The following PAH variants were observed in gnomAD, a reference collection of about 807,000 sequenced individuals.
The protein encoded by PAH is phenylalanine hydroxylase.
A neutral mutation model predicts 62.0 loss-of-function variants in PAH; 64 were observed. The observed-to-expected ratio is 1.03, with a 90% CI of 0.84 to 1.27. PAH has a LOEUF of 1.27. Among genes scored for constraint, PAH ranks in the 50% most tolerant of loss-of-function variants. The pLI is 0.00. For synonymous variants in PAH, 195 were observed against 196.2 expected (o/e 0.99, Z 0.05); for missense variants, 579 against 542.8 (o/e 1.07, Z -0.66).
chr12:102,943,775 G>T (rs1394693433), intron 1 of PAH, among the ~76,000 whole-genome samples: 1 of 152,136 alleles, frequency 6.6e-6, no homozygotes, highest in Non-Finnish European at 1.5e-5. Context: ...GGATAGAGCT[G>T]GAGGCCATTA....
At position 102,942,426 on chromosome 12, in the gene PAH, A is replaced by G. The variant is rs563308394; in HGVS notation, c.-96+8163T>C. ...TGCTGAAAGAAATCAGACACAACAC[A>G]AGCAAATGGAAAAACATTCCATGCT... On this transcript the variant is annotated intron_variant, in intron 1 of 3. Coordinates refer to the PAH transcript ENST00000546844. Among the ~76,000 whole-genome samples the G allele has an allele frequency of 2.3e-4, 35 of 152,286 alleles. 1 individual carries two copies. Among genetic ancestry groups the G allele is most frequent in the Admixed American group, 2.3e-3 (35 of 15,304 alleles).
intron 2 of PAH, among the ~76,000 whole-genome samples, chr12:102,900,687 A>G (rs921009476): frequency 2.8e-4 from 43 of 152,224 alleles, no homozygotes; most frequent in Non-Finnish European, 7.3e-5. Flanking sequence ...ATTTACTAGT[A>G]TGGATCCTTA....
chr12:102,862,693 A>G (rs1236428933), intron 5 of PAH, among the ~76,000 whole-genome samples: 1 of 152,184 alleles, frequency 6.6e-6, no homozygotes. Context: ...CTGCAGGCCT[A>G]TTTCTCTAAC....
At position 102,843,591 on chromosome 12, in the gene PAH, T is replaced by C. The variant is rs1452098029; in HGVS notation, c.1199+55A>G. 2.5e-6 allele frequency: 4 copies of C among 1,600,680 alleles called. No individual in the cohort carries two copies. In the African/African-American group the frequency reaches 4.0e-5, roughly 16 times the overall value. ...TCCTGGCCAACCACCCACAGATGAG[T>C]GGCACCAGTCAGGAGGCCCCCAGAG... On this transcript the variant is annotated intron_variant, in intron 11 of 12. Transcript: ENST00000553106.
chr12:102,876,721 G>A (rs1038580180), intron 4 of PAH, among the ~76,000 whole-genome samples: 1 of 152,126 alleles, frequency 6.6e-6, no homozygotes, highest in East Asian at 1.9e-4. Flanking sequence ...AGCCTGGGCT[G>A]TTCCTCCCCA....
intron 5 of PAH, among the ~76,000 whole-genome samples, chr12:102,856,951 T>A (rs1461585580): frequency 6.6e-6 from 1 of 152,138 alleles, no homozygotes; most frequent in African/African-American, 2.4e-5. Context: ...GGAACACAGC[T>A]CCTCGCCAGC....
chr12:102,872,860 T>A (rs974566977), intron 4 of PAH, among the ~76,000 whole-genome samples: 10 of 152,058 alleles, frequency 6.6e-5, no homozygotes. Flanking sequence ...CCCAGCTATG[T>A]GGGAGGCTGA....
At position 102,852,969 on chromosome 12, in the gene PAH, A is replaced by G. The variant is rs1314840912; in HGVS notation, c.707-19T>C. 2 of 1,613,624 alleles carry G rather than the reference A, an allele frequency of 1.2e-6. No individual in the cohort carries two copies. The highest frequency in any genetic ancestry group is 8.5e-7 in the Non-Finnish European group (1 of 1,179,814). On this transcript the variant is annotated intron_variant, in intron 6 of 12. Transcript: ENST00000553106. ...GTGCAAGCTGGGATGAAAAGAAGAA[A>G]GAAAACTCAAAGCTCATCACCACTG...
In PAH at chr12:102,838,993, G is replaced by T. The variant is rs1874474109; in HGVS notation, c.*182C>A. The stretch of plus-strand genomic sequence containing the variant: ...AAAAGATTTACCATTATGCTCTTGA[G>T]TATGTACTCATATCCTGTCATTTCA... On this transcript the variant is annotated 3_prime_UTR_variant, in exon 13 of 13. Coordinates refer to ENST00000553106, the MANE Select transcript of PAH (RefSeq NM_000277.3). 1.6e-6 allele frequency: 1 copy of T among 634,284 alleles called. No individual in the cohort carries two copies. The highest frequency in any genetic ancestry group is 1.9e-5 in the South Asian group (1 of 53,290). 39.3% of individuals were successfully genotyped at this position (634,284 alleles called of 1,614,324 possible). A position where few individuals can be genotyped will look rare whatever the true frequency, so the allele number is the denominator to read the frequency against.
intron 1 of PAH, chr12:102,946,000 A>G (rs73377926): frequency 0.032 from 4,920 of 152,258 alleles, 270 homozygotes; most frequent in African/African-American, 0.11. Context: ...TGGGTCCTTC[A>G]CTTCAAGGTA....
chr12:102,919,504 T>C (rs1878501162), upstream of PAH, among the ~76,000 whole-genome samples: 1 of 152,218 alleles, frequency 6.6e-6, no homozygotes, highest in African/African-American at 2.4e-5. Flanking sequence ...TTTGACTATA[T>C]TCGCCCTGTT....
At chr12:102,889,569 T>TAGATAGATAGAC (rs1565864427) in intron 3 of PAH, among the ~76,000 whole-genome samples, 64 of 152,266 alleles carry the variant, frequency 4.2e-4, no homozygotes, top group African/African-American at 1.5e-3. Context: ...GATAGATAGA[T>TAGATAGATAGAC]AGACAGGCAG....
rs561593253 is a variant in PAH at position 102,925,702 on chromosome 12, C to G, written c.-95-8477G>C. The stretch of plus-strand genomic sequence containing the variant: ...TCGTTTTAGTCTAACTTTTCCCTCA[C>G]AGACAACCCAGAAATCTAAAGATCA... On this transcript the variant is annotated intron_variant, in intron 1 of 3. Coordinates refer to the PAH transcript ENST00000546844. Among the ~76,000 whole-genome samples, 252 of 152,268 alleles carry G rather than the reference C, an allele frequency of 1.7e-3. 2 individuals are homozygous for G. Among genetic ancestry groups the G allele is most frequent in the Non-Finnish European group, 2.9e-3 (195 of 68,000 alleles).
At chr12:102,853,489 CT>C (rs898350540) in intron 6 of PAH, 1 of 192,022 alleles carries the variant, frequency 5.2e-6, no homozygotes, top group Non-Finnish European at 1.1e-5. Flanking sequence ...CAATTTAACT[CT>C]TTCTGTACTG....
intron 2 of PAH, among the ~76,000 whole-genome samples, chr12:102,905,538 A>T (rs1306169733): frequency 6.6e-6 from 1 of 152,060 alleles, no homozygotes; most frequent in Non-Finnish European, 1.5e-5. Flanking sequence ...GATTAAAAAA[A>T]ATATAAGGCC....
At chr12:102,868,176 GTATATATATATA>G (rs201396594) in intron 4 of PAH, among the ~76,000 whole-genome samples, 51 of 2,398 alleles carry the variant, frequency 0.021, 7 homozygotes, top group African/African-American at 0.072. Flanking sequence ...ACATATATGT[GTATATATATATA>G]TATATATATA....
At chr12:102,849,022 G>A (rs1480615632) in intron 8 of PAH, among the ~76,000 whole-genome samples, 2 of 152,124 alleles carry the variant, frequency 1.3e-5, no homozygotes, top group African/African-American at 2.4e-5. Context: ...AGACTGGAGG[G>A]GTCCAGGGTA....
Position 102,839,162 on chromosome 12 carries a change from T to G in PAH, c.*13A>C, listed in dbSNP as rs1380226790. The G allele has an allele frequency of 2.5e-6, 4 of 1,612,672 alleles. No homozygotes were observed. The highest frequency in any genetic ancestry group is 2.5e-6 in the Non-Finnish European group (3 of 1,178,746). On this transcript the variant is annotated 3_prime_UTR_variant, in exon 13 of 13. Transcript: ENST00000553106. ...CAGATTCACAGCTGACAGACCACAT[T>G]CTGTCCATGGCTTTACTTTATTTTC... is the stretch of plus-strand genomic sequence containing the variant.
chr12:102,957,907 C>CT lies in PAH; in HGVS notation c.-96+287dup, dbSNP rs147801041. On this transcript the variant is annotated intron_variant, in intron 1 of 4. Transcript: ENST00000551337. The surrounding 1 kb of genome is among the most constrained non-coding windows in gnomAD (Gnocchi z 4.1). ...GCACTGACTTTTGCTGCTGCTTCTG[C>CT]TTTTTTTTTTCTTAGAAACAAGAAG... 7.8e-3 allele frequency: 1,655 copies of CT among 213,020 alleles called. No homozygotes were observed. The highest frequency in any genetic ancestry group is 0.019 in the Middle Eastern group (13 of 682). 13.2% of individuals were successfully genotyped at this position (213,020 alleles called of 1,614,324 possible).
Sources: allele counts gnomAD v4.1 joint callset (sites outside exome capture counted in the v4.1 genomes callset), GRCh38; gene constraint gnomAD v4.1.1; non-coding constraint Gnocchi (gnomAD v3.1); transcripts MANE v1.5; gene names NCBI Gene and HGNC (gene_info 2026-07-23, HGNC 2026-07-21).